The following CTNNA3 variants were observed in gnomAD, a reference collection of about 807,000 sequenced individuals.
CTNNA3 encodes the protein catenin alpha-3.
A neutral mutation model predicts 95.7 loss-of-function variants in CTNNA3; 76 were observed. The observed-to-expected ratio is 0.79, with a 90% CI of 0.66 to 0.96. CTNNA3 has a LOEUF of 0.96. Ranked by LOEUF, CTNNA3 falls within the 40% of genes least tolerant of loss-of-function variation. The pLI is 0.00. For synonymous variants in CTNNA3, 431 were observed against 374.4 expected, an observed-to-expected ratio of 1.15 and a Z score of -1.74; for missense variants, 1,191 against 1,089.8, an observed-to-expected ratio of 1.09 and a Z score of -1.31.
intron 2 of CTNNA3, among the ~76,000 whole-genome samples, chr10:67,623,636 T>G (rs1442743366): frequency 6.6e-6 from 1 of 152,052 alleles, no homozygotes; most frequent in Non-Finnish European, 1.5e-5. Flanking sequence ...AGGAATTGTG[T>G]GTGACTCTAG....
intron 7 of CTNNA3, among the ~76,000 whole-genome samples, chr10:66,962,021 C>T (rs1025423147): frequency 1.3e-5 from 2 of 152,140 alleles, no homozygotes; most frequent in African/African-American, 2.4e-5. Context: ...AACCATATTG[C>T]CACTACTCTG....
chr10:66,914,292 G>A lies in CTNNA3; in HGVS notation c.1048-138768C>T, dbSNP rs565871134. On this transcript the variant is annotated intron_variant, in intron 7 of 17. Coordinates refer to ENST00000433211, the MANE Select transcript of CTNNA3 (RefSeq NM_013266.4). ...ACTACAGGCACCTGCTACCACGGCC[G>A]GAGAATTTTTTGTATTTTTAGTAGA... 7.2e-5 allele frequency among the ~76,000 whole-genome samples: 11 copies of A among 152,012 alleles called. No individual in the cohort carries two copies. In the East Asian group the frequency reaches 1.7e-3, roughly 24 times the overall value.
At chr10:66,314,184 G>C (rs2092066177) in intron 12 of CTNNA3, among the ~76,000 whole-genome samples, 1 of 152,068 alleles carries the variant, frequency 6.6e-6, no homozygotes, top group South Asian at 2.1e-4. Context: ...CAGGTAACAT[G>C]AATGAGTGAA....
chr10:66,615,001 C>G (rs1169279903), intron 10 of CTNNA3, among the ~76,000 whole-genome samples: 1 of 151,910 alleles, frequency 6.6e-6, no homozygotes, highest in African/African-American at 2.4e-5. Context: ...ATGAAATTCT[C>G]TCTCCAATAT....
At chr10:66,571,889 T>C (rs1422296175) in intron 10 of CTNNA3, among the ~76,000 whole-genome samples, 2 of 152,200 alleles carry the variant, frequency 1.3e-5, no homozygotes, top group African/African-American at 2.4e-5. Context: ...TTAATTTGTA[T>C]AGAATCACTG....
chr10:67,534,672 A>G (rs1840437533), intron 4 of CTNNA3, among the ~76,000 whole-genome samples: 1 of 152,122 alleles, frequency 6.6e-6, no homozygotes, highest in Admixed American at 6.5e-5. Context: ...GAATGTGTGT[A>G]TCTGTGTGTC....
At chr10:67,537,543 AC>A (rs990364091) in intron 4 of CTNNA3, among the ~76,000 whole-genome samples, 3 of 152,182 alleles carry the variant, frequency 2.0e-5, no homozygotes. Context: ...TATGTGAATT[AC>A]CTACCTCTGT....
At chr10:67,168,090 G>A (rs1472555446) in intron 7 of CTNNA3, among the ~76,000 whole-genome samples, 1 of 152,026 alleles carries the variant, frequency 6.6e-6, no homozygotes, top group African/African-American at 2.4e-5. Flanking sequence ...GAGCCGAGAT[G>A]GCGTCACTGC....
chr10:67,732,904 ACACAC>A (rs1564842671), intron 1 of CTNNA3, among the ~76,000 whole-genome samples: 1 of 121,460 alleles, frequency 8.2e-6, no homozygotes, highest in African/African-American at 5.0e-5. Context: ...ACACACACAC[ACACAC>A]ACATTCTCTC....
At chr10:66,117,289 G>A (rs1393280645) in intron 13 of CTNNA3, among the ~76,000 whole-genome samples, 1 of 152,078 alleles carries the variant, frequency 6.6e-6, no homozygotes, top group Non-Finnish European at 1.5e-5. Context: ...TCAAAAATGT[G>A]AAATGCCTAT....
At chr10:67,584,231 T>A (rs1427439887) in intron 3 of CTNNA3, among the ~76,000 whole-genome samples, 1 of 152,210 alleles carries the variant, frequency 6.6e-6, no homozygotes, top group Non-Finnish European at 1.5e-5. Context: ...GATGGTGACG[T>A]ACAGATGGGG....
rs1359008689 is a variant in CTNNA3, at chr10:67,139,963, A to G, written c.1047+40354T>C. On this transcript the variant is annotated intron_variant, in intron 7 of 17. Coordinates refer to ENST00000433211, the MANE Select transcript of CTNNA3 (RefSeq NM_013266.4). ...AACATTATGGAATTTCTAAGCCTAC[A>G]TTAGACACTTGCAACTTTGATCTGT... Among the ~76,000 whole-genome samples, 8 of 152,326 alleles carry G rather than the reference A, an allele frequency of 5.3e-5. No homozygotes were observed. In the East Asian group the frequency reaches 1.5e-3, roughly 29 times the overall value.
intron 7 of CTNNA3, among the ~76,000 whole-genome samples, chr10:67,035,689 A>G (rs1215080196): frequency 3.3e-5 from 5 of 152,192 alleles, no homozygotes; most frequent in Non-Finnish European, 7.3e-5. Flanking sequence ...CAATCTTTCA[A>G]TCAAATTAGG....
At chr10:66,905,404 C>T (rs534208135) in intron 7 of CTNNA3, among the ~76,000 whole-genome samples, 100 of 152,058 alleles carry the variant, frequency 6.6e-4, no homozygotes, top group African/African-American at 2.2e-3. Context: ...TAGCATTAGG[C>T]GAAATACCGA....
At chr10:66,687,400 TATG>T (rs1235457635) in intron 9 of CTNNA3, among the ~76,000 whole-genome samples, 3 of 152,094 alleles carry the variant, frequency 2.0e-5, no homozygotes, top group African/African-American at 7.2e-5. Flanking sequence ...CCCATCCTAA[TATG>T]ATAAGAGCAT....
At chr10:67,527,283 A>T (rs1037913445) in intron 4 of CTNNA3, among the ~76,000 whole-genome samples, 1 of 152,158 alleles carries the variant, frequency 6.6e-6, no homozygotes, top group African/African-American at 2.4e-5. Flanking sequence ...AAAATAAAAT[A>T]AAAAGTTTAT....
chr10:66,298,411 C>A (rs2091813186), intron 12 of CTNNA3, among the ~76,000 whole-genome samples: 1 of 152,044 alleles, frequency 6.6e-6, no homozygotes, highest in African/African-American at 2.4e-5. Context: ...TAGCAATGTA[C>A]CCAATACATT....
intron 7 of CTNNA3, among the ~76,000 whole-genome samples, chr10:67,125,326 TA>T (rs1252345241): frequency 2.0e-5 from 3 of 152,136 alleles, no homozygotes; most frequent in Admixed American, 2.0e-4. Context: ...GTCATTTGTC[TA>T]AAATATACTT....
intron 10 of CTNNA3, among the ~76,000 whole-genome samples, chr10:66,609,382 T>C (rs551829019): frequency 1.3e-4 from 19 of 147,444 alleles, no homozygotes; most frequent in Non-Finnish European, 2.4e-4. Flanking sequence ...TTATCTAGTA[T>C]GTATAAGAAA....
Sources: allele counts gnomAD v4.1 joint callset (sites outside exome capture counted in the v4.1 genomes callset), GRCh38; gene constraint gnomAD v4.1.1; transcripts MANE v1.5; gene names NCBI Gene and HGNC (gene_info 2026-07-23, HGNC 2026-07-21).